The following GINS2 variants were observed in gnomAD, a reference collection of about 807,000 sequenced individuals.
GINS2 encodes the protein DNA replication complex GINS protein PSF2.
In GINS2, 23 loss-of-function variants were observed where a neutral mutation model predicts 21.2. The ratio of observed to expected loss-of-function variants is 1.08; its 90% confidence interval spans 0.78 to 1.53. The LOEUF is 1.53. Ranked by LOEUF, GINS2 falls within the 40% of genes most tolerant of loss-of-function variation. The probability of loss-of-function intolerance (pLI) is 0.00; values close to 1 mark genes in which losing one functional copy is unlikely to be tolerated. For missense variants in GINS2, 323 were observed against 233.9 expected (o/e 1.38, Z -2.49); for synonymous variants, 118 against 85.6 (o/e 1.38, Z -2.09).
chr16:85,680,130 C>T (rs995971269), intron 3 of GINS2, among the ~76,000 whole-genome samples: 14 of 152,206 alleles, frequency 9.2e-5, no homozygotes, highest in South Asian at 2.1e-4. Context: ...TATAGGCTCC[C>T]AGGCCCACAT....
At chr16:85,683,075 T>G (rs2053747720) in intron 2 of GINS2, among the ~76,000 whole-genome samples, 1 of 152,002 alleles carries the variant, frequency 6.6e-6, no homozygotes, top group African/African-American at 2.4e-5. Context: ...GACCCTCCTC[T>G]CACCTGCACA....
In GINS2 at chr16:85,688,810, C is replaced by T. The variant is rs767650470; in HGVS notation, c.89G>A (p.Gly30Glu). The change falls in exon 1 of 5, where the codon GGG (glycine) becomes GAG (glutamate). Residue 30 changes from glycine (G) to glutamate (E), a missense_variant and splice_region_variant. By Grantham distance (98) the Gly-to-Glu change is moderately conservative. Transcript: ENST00000253462. ...CCCCACGGCGGGCCCAGGCCTCACC[C>T]CGATGAGGTAGATCTTGTCCAGACT... ...NFSLDKIYLI[G>E]GDLGPFNPGL... is the part of the protein sequence containing the mutation. The T allele has an allele frequency of 1.3e-5, 20 of 1,526,482 alleles. No individual in the cohort carries two copies. The Middle Eastern group carries it at 1.0e-3, about 77-fold the overall frequency. 94.6% of individuals were successfully genotyped at this position (1,526,482 alleles called of 1,614,324 possible).
chr16:85,677,781 G>C lies in GINS2; in HGVS notation c.*431C>G, dbSNP rs2053693322. 6.1e-6 allele frequency: 1 copy of C among 162,752 alleles called. No individual in the cohort carries two copies. The highest frequency in any genetic ancestry group is 5.8e-5 in the Admixed American group (1 of 17,146). The allele number at this position is 162,752 out of a possible 1,614,324, so 10.1% of individuals were successfully genotyped here. A position where few individuals can be genotyped will look rare whatever the true frequency, so the allele number is the denominator to read the frequency against. ...TTCTCTGTGAGCCACCTCTGTGAGAGAGTCTAAATTCAGCCCAAGAAATCA... is the reference window on the plus strand; with the variant it reads ...TTCTCTGTGAGCCACCTCTGTGAGACAGTCTAAATTCAGCCCAAGAAATCA... On this transcript the variant is annotated 3_prime_UTR_variant, in exon 5 of 5. Transcript: ENST00000253462.
Position 85,688,811 on chromosome 16 carries a change from C to G in GINS2, c.88G>C (p.Gly30Arg), listed in dbSNP as rs749616681. 10 of 1,526,950 alleles carry G rather than the reference C, an allele frequency of 6.5e-6. No individual in the cohort carries two copies. The highest frequency in any genetic ancestry group is 1.2e-5 in the South Asian group (1 of 82,092). 94.6% of individuals were successfully genotyped at this position (1,526,950 alleles called of 1,614,324 possible). A position where few individuals can be genotyped will look rare whatever the true frequency, so the allele number is the denominator to read the frequency against. Residue 30 changes from glycine (G) to arginine (R), a missense_variant and splice_region_variant, in exon 1 of 5, where the codon GGG (glycine) becomes CGG (arginine). Physicochemically the swap from Gly to Arg is moderately radical, Grantham distance 125. Coordinates refer to ENST00000253462, the MANE Select transcript of GINS2 (RefSeq NM_016095.3). Reference protein sequence around the residue: ...NFSLDKIYLIGGDLGPFNPGL... With the variant: ...NFSLDKIYLIRGDLGPFNPGL... ...CCCACGGCGGGCCCAGGCCTCACCC[C>G]GATGAGGTAGATCTTGTCCAGACTG...
In GINS2 at chr16:85,678,357, C is replaced by CT. The variant is rs1237247794; in HGVS notation, c.433-21_433-20insA. Reference sequence around the variant, plus strand: ...ATCCAGCTAAAGCAAGAAAACAGACCAAGTTGGCCAAGGAGTTTTTGATTT... The same window carrying CT: ...ATCCAGCTAAAGCAAGAAAACAGACCTAAGTTGGCCAAGGAGTTTTTGATTT... On this transcript the variant is annotated intron_variant, in intron 4 of 4. Transcript: ENST00000253462. 1 of 1,612,670 alleles carries CT rather than the reference C, an allele frequency of 6.2e-7. No individual in the cohort carries two copies. Among genetic ancestry groups the CT allele is most frequent in the Non-Finnish European group, 8.5e-7 (1 of 1,179,332 alleles).
chr16:85,687,275 G>A (rs572390222), intron 2 of GINS2, among the ~76,000 whole-genome samples, 185 bp downstream of exon 2: 2 of 152,250 alleles, frequency 1.3e-5, no homozygotes, highest in Non-Finnish European at 2.9e-5. Flanking sequence ...ATTACTAACA[G>A]TGGTTAGCAG....
Position 85,678,030 on chromosome 16 carries a change from G to A in GINS2, c.*182C>T, listed in dbSNP as rs993245386. ...AGATGTGGAATTGAAGAATGTCCCAGGGAGCTAAGTTTTAAGGACTAATCA... is the reference window on the plus strand; with the variant it reads ...AGATGTGGAATTGAAGAATGTCCCAAGGAGCTAAGTTTTAAGGACTAATCA... On this transcript the variant is annotated 3_prime_UTR_variant, in exon 5 of 5. Coordinates refer to ENST00000253462, the MANE Select transcript of GINS2 (RefSeq NM_016095.3). 1.6e-5 allele frequency: 9 copies of A among 562,586 alleles called. No individual in the cohort carries two copies. Among genetic ancestry groups the A allele is most frequent in the African/African-American group, 5.7e-5 (3 of 52,432 alleles). 34.8% of individuals were successfully genotyped at this position (562,586 alleles called of 1,614,324 possible).
intron 2 of GINS2, among the ~76,000 whole-genome samples, chr16:85,683,809 C>A (rs893852686): frequency 3.9e-5 from 6 of 152,328 alleles, no homozygotes; most frequent in Non-Finnish European, 7.3e-5. Context: ...CACCTCTGGT[C>A]CAACTTTCTA....
chr16:85,680,652 C>A (rs1222536854), intron 3 of GINS2, among the ~76,000 whole-genome samples: 1 of 152,098 alleles, frequency 6.6e-6, no homozygotes, highest in Admixed American at 6.6e-5. Flanking sequence ...CTGGCAAATG[C>A]CATAGCAATG....
At position 85,678,082 on chromosome 16, in the gene GINS2, G is replaced by A. The variant is rs3751717; in HGVS notation, c.*130C>T. 0.013 allele frequency: 10,562 copies of A among 788,270 alleles called. 698 individuals carry two copies. In the African/African-American group the frequency reaches 0.15, roughly 12 times the overall value. The allele number at this position is 788,270 out of a possible 1,614,324, so 48.8% of individuals were successfully genotyped here. On this transcript the variant is annotated 3_prime_UTR_variant, in exon 5 of 5. Transcript: ENST00000253462. ...AAACTTGTTTCTCCAACAACATCCT[G>A]AATCCATTCCTTGCACCATCACACA... is the stretch of plus-strand genomic sequence containing the variant.
chr16:85,686,021 C>A (rs1487527324), intron 2 of GINS2, among the ~76,000 whole-genome samples: 1 of 140,654 alleles, frequency 7.1e-6, no homozygotes, highest in Non-Finnish European at 1.6e-5. Context: ...ATTTTTTTTC[C>A]CTATAATAAG....
intron 3 of GINS2, among the ~76,000 whole-genome samples, chr16:85,680,436 G>C (rs983596589): frequency 2.7e-4 from 41 of 152,206 alleles, no homozygotes; most frequent in African/African-American, 9.9e-4. Context: ...GGGAGCTTCA[G>C]AAGCTTGAAA....
Position 85,678,238 on chromosome 16 carries a change from C to G in GINS2, c.532G>C (p.Glu178Gln), listed in dbSNP as rs776440982. 5.0e-6 allele frequency: 8 copies of G among 1,613,582 alleles called. No homozygotes were observed. The highest frequency in any genetic ancestry group is 4.5e-5 in the East Asian group (2 of 44,884). Residue 178 changes from glutamate (E) to glutamine (Q), a missense_variant, in exon 5 of 5, where the codon GAG (glutamate) becomes CAG (glutamine). Coordinates refer to ENST00000253462, the MANE Select transcript of GINS2 (RefSeq NM_016095.3). Reference sequence around the variant, plus strand: ...TAGAAGTCCTGAGACTGAGTACTCTCCAGAGGCTGGAGGTTCGTGCGGAGT... The same window carrying G: ...TAGAAGTCCTGAGACTGAGTACTCTGCAGAGGCTGGAGGTTCGTGCGGAGT... ...YKLRTNLQPL[E>Q]STQSQDF is the part of the protein sequence containing the mutation.
Position 85,681,650 on chromosome 16 carries a change from T to G in GINS2, c.237A>C (p.Arg79=). The G allele has an allele frequency of 6.2e-7, 1 of 1,611,180 alleles. No individual in the cohort carries two copies. The highest frequency in any genetic ancestry group is 1.1e-5 in the South Asian group (1 of 91,016). ...GCATTGGGGTAAAAGTTTCTTCCTT[T>G]CGTTCATGATCCCTCATCTTCTCCA... ...EKLEKMRDHE[R]KEETFTPMPS... Residue 79 remains arginine (R), a synonymous_variant, in exon 3 of 5, where the codon CGA becomes CGC. Transcript: ENST00000253462.
chr16:85,681,500 C>A, intron 3 of GINS2, 82 bp downstream of exon 3: 2 of 805,440 alleles, frequency 2.5e-6, no homozygotes, highest in Non-Finnish European at 4.2e-6. Flanking sequence ...AGCAGGGAAG[C>A]GGAGAGGAAG....
At chr16:85,683,902 G>T (rs1027267797) in intron 2 of GINS2, among the ~76,000 whole-genome samples, 2 of 152,186 alleles carry the variant, frequency 1.3e-5, no homozygotes, top group African/African-American at 2.4e-5. Context: ...TAAAGGCTCA[G>T]CTGCTTTGAA....
intron 2 of GINS2, among the ~76,000 whole-genome samples, chr16:85,683,391 C>T (rs1450799281): frequency 1.3e-5 from 2 of 150,842 alleles, no homozygotes; most frequent in Admixed American, 6.6e-5. Flanking sequence ...CCCCCATCAG[C>T]CCCTGAGCTC....
rs1052520000 is a variant in GINS2, at chr16:85,678,104, C to T, written c.*108G>A. On this transcript the variant is annotated 3_prime_UTR_variant, in exon 5 of 5. Transcript: ENST00000253462. ...CCTGAATCCATTCCTTGCACCATCA[C>T]ACATTTTTCATGCATCAGAAGTGTT... 8.5e-6 allele frequency: 8 copies of T among 939,938 alleles called. No homozygotes were observed. The East Asian group carries it at 9.8e-5, about 12-fold the overall frequency. The allele number at this position is 939,938 out of a possible 1,614,324, so 58.2% of individuals were successfully genotyped here. A position where few individuals can be genotyped will look rare whatever the true frequency, so the allele number is the denominator to read the frequency against.
intron 2 of GINS2, among the ~76,000 whole-genome samples, chr16:85,687,163 T>G (rs545516339): frequency 6.6e-6 from 1 of 152,200 alleles, no homozygotes; most frequent in East Asian, 1.9e-4. Flanking sequence ...GAAGGCTGCA[T>G]TGAGCCGAGA....
Sources: gnomAD v4.1 joint callset for allele counts (sites outside exome capture counted in the v4.1 genomes callset) on GRCh38, gnomAD v4.1.1 for gene constraint, MANE v1.5 for transcripts, NCBI Gene and HGNC (gene_info 2026-07-23, HGNC 2026-07-21) for gene names.